Variants in SENP6 observed in about 807,000 individuals in gnomAD.
SENP6 encodes SUMO specific peptidase 6.
In SENP6, 41 loss-of-function variants were observed where a neutral mutation model predicts 134.5. That is an observed-to-expected ratio of 0.30 (90% CI 0.24 to 0.40). The LOEUF is 0.40. Among genes scored for constraint, SENP6 ranks in the 10% least tolerant of loss-of-function variants. The pLI is 1.00. For synonymous variants in SENP6, 395 were observed against 429.8 expected (o/e 0.92, Z 1.00); for missense variants, 1,248 against 1,312.5 (o/e 0.95, Z 0.76).
intron 7 of SENP6, among the ~76,000 whole-genome samples, chr6:75,650,282 T>C (rs1770769986): frequency 6.6e-6 from 1 of 152,184 alleles, no homozygotes; most frequent in Non-Finnish European, 1.5e-5. Flanking sequence ...CCATGATCAT[T>C]TGGTTAAGAT....
intron 3 of SENP6, among the ~76,000 whole-genome samples, chr6:75,628,987 A>G (rs1202413821): frequency 6.6e-6 from 1 of 152,174 alleles, no homozygotes; most frequent in African/African-American, 2.4e-5. Context: ...GGCCTCCCAA[A>G]GTGCTGGAAT....
At position 75,666,708 on chromosome 6, in the gene SENP6, T is replaced by G. The variant is rs771272870; in HGVS notation, c.995-4T>G. The G allele has an allele frequency of 7.4e-7, 1 of 1,348,310 alleles. No individual in the cohort carries two copies. 83.5% of individuals were successfully genotyped at this position (1,348,310 alleles called of 1,614,324 possible). ...TAAATTATAAATTATTAAAATACTT[T>G]TAGTCATTTTGTCCAGTGATGATGA... On this transcript the variant is annotated splice_polypyrimidine_tract_variant and splice_region_variant and intron_variant, in intron 9 of 23. Transcript: ENST00000447266.
At chr6:75,633,817 T>G in intron 4 of SENP6, 91 bp downstream of exon 4, 3 of 1,108,454 alleles carry the variant, frequency 2.7e-6, no homozygotes, top group Non-Finnish European at 3.7e-6. Flanking sequence ...AACCTGTACC[T>G]TTTCTTCTGA....
At chr6:75,623,838 C>T (rs1203028162) in intron 2 of SENP6, 62 bp from the exon 3 acceptor site, 1 of 1,429,308 alleles carries the variant, frequency 7.0e-7, no homozygotes, top group Non-Finnish European at 9.6e-7. Flanking sequence ...GATAAAACCT[C>T]AGAATTTAAT....
At chr6:75,621,745 T>G (rs1268846552) in intron 2 of SENP6, 120 bp downstream of exon 2, 1 of 578,420 alleles carries the variant, frequency 1.7e-6, no homozygotes, top group Non-Finnish European at 3.0e-6. Context: ...CATATAACTC[T>G]TTCACAGTCG....
intron 19 of SENP6, among the ~76,000 whole-genome samples, chr6:75,706,056 C>T (rs985524760): frequency 3.3e-5 from 5 of 149,962 alleles, no homozygotes; most frequent in Admixed American, 1.3e-4. Context: ...CTTCTCTTGC[C>T]TCAGCCTCCC....
chr6:75,661,720 T>A (rs1416503729), intron 8 of SENP6, among the ~76,000 whole-genome samples: 1 of 152,152 alleles, frequency 6.6e-6, no homozygotes, highest in Non-Finnish European at 1.5e-5. Context: ...ATGTATAGTC[T>A]CTGAAATTCT....
intron 1 of SENP6, among the ~76,000 whole-genome samples, chr6:75,616,607 G>A (rs1467542808): frequency 1.3e-5 from 2 of 151,962 alleles, no homozygotes; most frequent in Non-Finnish European, 2.9e-5. Flanking sequence ...TTAGCCGGGC[G>A]TGGTAGCATG....
chr6:75,649,718 T>C (rs908105155), intron 7 of SENP6, among the ~76,000 whole-genome samples: 24 of 152,160 alleles, frequency 1.6e-4, no homozygotes, highest in Non-Finnish European at 2.9e-4. Flanking sequence ...AGTTTCACCA[T>C]GTTGGCCAGA....
intron 6 of SENP6, among the ~76,000 whole-genome samples, chr6:75,641,446 A>G (rs1295482592): frequency 6.6e-6 from 1 of 152,204 alleles, no homozygotes; most frequent in African/African-American, 2.4e-5. Flanking sequence ...TTAAGCTTAG[A>G]GTTAAAACTT....
intron 17 of SENP6, among the ~76,000 whole-genome samples, chr6:75,697,138 A>G (rs570303979): frequency 1.3e-5 from 2 of 152,298 alleles, no homozygotes; most frequent in East Asian, 1.9e-4. Context: ...CCAATTCTGC[A>G]GTAATAAAAA....
At chr6:75,691,963 T>C (rs533480993) in intron 16 of SENP6, among the ~76,000 whole-genome samples, 4 of 152,236 alleles carry the variant, frequency 2.6e-5, no homozygotes, top group Admixed American at 2.6e-4. Context: ...TTCAAGCTAT[T>C]CTCCTGCCTC....
chr6:75,713,482 T>C (rs1775868173), intron 21 of SENP6, 31 bp from the exon 22 acceptor site: 2 of 1,541,236 alleles, frequency 1.3e-6, no homozygotes, highest in Non-Finnish European at 8.9e-7. Context: ...TATTATGAAG[T>C]ATTCGACTTT....
rs962514175 is a variant in SENP6 at position 75,666,627 on chromosome 6, A to G, written c.995-85A>G. 2.1e-5 allele frequency: 14 copies of G among 676,306 alleles called. No homozygotes were observed. In the African/African-American group the frequency reaches 2.3e-4, roughly 11 times the overall value. The allele number at this position is 676,306 out of a possible 1,614,324, so 41.9% of individuals were successfully genotyped here. A position where few individuals can be genotyped will look rare whatever the true frequency, so the allele number is the denominator to read the frequency against. Reference sequence around the variant, plus strand: ...AGGATATTTTCCACTTTGGTAATTTATTTGCATTTTTAATGGACAGAAATG... The same window carrying G: ...AGGATATTTTCCACTTTGGTAATTTGTTTGCATTTTTAATGGACAGAAATG... On this transcript the variant is annotated intron_variant, in intron 9 of 23. Coordinates refer to ENST00000447266, the MANE Select transcript of SENP6 (RefSeq NM_015571.4).
At chr6:75,714,152 C>G (rs765600665) in intron 23 of SENP6, among the ~76,000 whole-genome samples, 3 of 152,134 alleles carry the variant, frequency 2.0e-5, no homozygotes, top group Non-Finnish European at 4.4e-5. Context: ...TTCATAGATA[C>G]ATTTCTTAAG....
chr6:75,624,839 A>C (rs889996156), intron 3 of SENP6, among the ~76,000 whole-genome samples: 1 of 152,160 alleles, frequency 6.6e-6, no homozygotes, highest in Non-Finnish European at 1.5e-5. Flanking sequence ...ATTATTTAAA[A>C]AAAATGTTTT....
intron 11 of SENP6, among the ~76,000 whole-genome samples, chr6:75,672,559 G>T (rs560070076): frequency 6.6e-6 from 1 of 152,224 alleles, no homozygotes; most frequent in South Asian, 2.1e-4. Context: ...TTAGCAAAGG[G>T]CATTCTTCAT....
Position 75,697,420 on chromosome 6 carries a change from T to TA in SENP6, c.2196-4dup, listed in dbSNP as rs758495211. The TA allele has an allele frequency of 3.1e-6, 5 of 1,598,030 alleles. No individual in the cohort carries two copies. The highest frequency in any genetic ancestry group is 4.3e-6 in the Non-Finnish European group (5 of 1,168,764). ...AGAAGCTTATAATTTATCTCTTTCTTACAGAATACAGCAAAAACGGCATGG... is the reference window on the plus strand; with the variant it reads ...AGAAGCTTATAATTTATCTCTTTCTTAACAGAATACAGCAAAAACGGCATGG... On this transcript the variant is annotated splice_region_variant and splice_polypyrimidine_tract_variant and intron_variant, in intron 17 of 23. Coordinates refer to ENST00000447266, the MANE Select transcript of SENP6 (RefSeq NM_015571.4).
At chr6:75,650,123 C>T (rs1770758070) in intron 7 of SENP6, among the ~76,000 whole-genome samples, 1 of 152,030 alleles carries the variant, frequency 6.6e-6, no homozygotes, top group South Asian at 2.1e-4. Flanking sequence ...TGTATAATGC[C>T]TCTCAATTTG....
Sources: gnomAD v4.1 joint callset for allele counts (sites outside exome capture counted in the v4.1 genomes callset) on GRCh38, gnomAD v4.1.1 for gene constraint, MANE v1.5 for transcripts, NCBI Gene and HGNC (gene_info 2026-07-23, HGNC 2026-07-21) for gene names.